Variants in CYRIB observed in about 807,000 individuals in gnomAD.
The protein encoded by CYRIB is CYFIP-related Rac1 interactor B.
In CYRIB, 8 loss-of-function variants were observed where a neutral mutation model predicts 44.2. The ratio of observed to expected loss-of-function variants is 0.18; its 90% CI spans 0.11 to 0.33. The LOEUF (loss-of-function observed/expected upper bound fraction) is 0.33. CYRIB is among the 10% of genes least tolerant of loss of function. The pLI is 1.00. For missense variants in CYRIB, 185 were observed against 382.8 expected (o/e 0.48, Z 4.31); for synonymous variants, 131 against 127.2 (o/e 1.03, Z -0.20).
exon 10 of CYRIB, chr8:129,849,352 A>C: frequency 6.2e-7 from 1 of 1,612,700 alleles, no homozygotes; most frequent in Non-Finnish European, 8.5e-7. Context: ...TTCATTTGTA[A>C]ATCTGCTTCT....
intron 9 of CYRIB, 98 bp downstream of exon 11, chr8:129,850,737 C>T (rs1212333945): frequency 2.4e-6 from 2 of 838,772 alleles, no homozygotes; most frequent in Non-Finnish European, 3.9e-6. Context: ...TTCCACCTTC[C>T]AGATAAAACA....
intron 2 of CYRIB, among the ~76,000 whole-genome samples, chr8:129,956,838 G>A (rs1416187157): frequency 5.9e-4 from 13 of 21,946 alleles, no homozygotes; most frequent in East Asian, 3.1e-3. Context: ...CCTCCCCCCA[G>A]CCTCTCTTTC....
chr8:129,996,778 G>T (rs1399695939), intron 1 of CYRIB, among the ~76,000 whole-genome samples: 2 of 152,010 alleles, frequency 1.3e-5, no homozygotes, highest in Non-Finnish European at 2.9e-5. Flanking sequence ...TACTGTTTGG[G>T]ATCTAATGTA....
intron 1 of CYRIB, among the ~76,000 whole-genome samples, chr8:129,989,698 GGTTT>G (rs1293547462): frequency 2.6e-5 from 4 of 151,096 alleles, no homozygotes; most frequent in Non-Finnish European, 5.9e-5. Flanking sequence ...ACAACGTGCA[GGTTT>G]GTTACATATG....
chr8:129,896,924 A>G (rs2068372356), intron 2 of CYRIB: 1 of 152,252 alleles, frequency 6.6e-6, no homozygotes, highest in Non-Finnish European at 1.5e-5. Flanking sequence ...TCACCTCACT[A>G]TGACTGAAAT....
At chr8:129,844,007 G>T (rs2038224969) in intron 11 of CYRIB, 1 of 152,202 alleles carries the variant, frequency 6.6e-6, no homozygotes, top group South Asian at 2.1e-4. Flanking sequence ...AATGCTAAGT[G>T]ATGTCACAAG....
At chr8:129,958,988 T>C (rs1023542867) in intron 2 of CYRIB, among the ~76,000 whole-genome samples, 1 of 135,348 alleles carries the variant, frequency 7.4e-6, no homozygotes, top group Non-Finnish European at 1.5e-5. Context: ...TGCTTGAATC[T>C]GGGAGGCAGA....
At chr8:129,911,799 C>G (rs561669123) in intron 1 of CYRIB, among the ~76,000 whole-genome samples, 4 of 152,154 alleles carry the variant, frequency 2.6e-5, no homozygotes, top group Non-Finnish European at 5.9e-5. Flanking sequence ...TTATACAGAA[C>G]CTTCTTACTT....
At chr8:129,911,540 A>G (rs1304422783) in intron 1 of CYRIB, among the ~76,000 whole-genome samples, 2 of 152,020 alleles carry the variant, frequency 1.3e-5, no homozygotes, top group Non-Finnish European at 2.9e-5. Context: ...GGTGGCTCAC[A>G]CCTGTAATCC....
At chr8:129,901,954 G>A (rs891768713) in intron 2 of CYRIB, among the ~76,000 whole-genome samples, 1 of 152,132 alleles carries the variant, frequency 6.6e-6, no homozygotes, top group Non-Finnish European at 1.5e-5. Context: ...ATTTGTTAAT[G>A]GCTTTTCAAT....
chr8:129,843,661 C>T (rs76510074), intron 11 of CYRIB, among the ~76,000 whole-genome samples: 4,692 of 152,314 alleles, frequency 0.031, 126 homozygotes, highest in Admixed American at 0.071. Context: ...CTTGGGCTCA[C>T]AAGTAGCTGG....
At chr8:130,009,243 A>C (rs2097169115) in intron 1 of CYRIB, among the ~76,000 whole-genome samples, 1 of 151,712 alleles carries the variant, frequency 6.6e-6, no homozygotes, top group Non-Finnish European at 1.5e-5. Context: ...ATTTTTCATA[A>C]AGCCATCTGA....
At chr8:129,982,754 G>A (rs2096285251) in intron 1 of CYRIB, among the ~76,000 whole-genome samples, 2 of 152,120 alleles carry the variant, frequency 1.3e-5, no homozygotes, top group Admixed American at 1.3e-4. Context: ...AAAAGCAAAC[G>A]CATGAGCATC....
At chr8:129,851,032 T>TA (rs1281081400) in intron 8 of CYRIB, 118 bp from the exon 11 acceptor site, 12 of 657,472 alleles carry the variant, frequency 1.8e-5, no homozygotes, top group Non-Finnish European at 3.2e-5. Flanking sequence ...TTCCTACTCC[T>TA]AATTTTCTAA....
chr8:129,862,276 G>A, exon 5 of CYRIB: 2 of 1,613,638 alleles, frequency 1.2e-6, no homozygotes, highest in Non-Finnish European at 1.7e-6. Context: ...GCCTACTAGT[G>A]GAACAACTGC....
At chr8:129,866,951 G>T (rs1044150721) in intron 4 of CYRIB, among the ~76,000 whole-genome samples, 1 of 152,216 alleles carries the variant, frequency 6.6e-6, no homozygotes, top group East Asian at 1.9e-4. Context: ...CTTAGTAAAC[G>T]TCAATGGTGA....
intron 3 of CYRIB, among the ~76,000 whole-genome samples, chr8:129,874,167 A>G (rs1433148710): frequency 1.3e-5 from 2 of 152,078 alleles, no homozygotes; most frequent in East Asian, 1.9e-4. Flanking sequence ...AAAAAAAAGT[A>G]CCATTTAGTC....
chr8:129,923,239 T>TATCTCAAAAAAAGAAAAAG (rs140530379), intron 1 of CYRIB, among the ~76,000 whole-genome samples: 2 of 150,534 alleles, frequency 1.3e-5, no homozygotes, highest in Non-Finnish European at 3.0e-5. Context: ...GCAAAACTCT[T>TATCTCAAAAAAAGAAAAAG]AAAAAGAAAA....
chr8:129,848,209 G>A (rs927934683), intron 10 of CYRIB, among the ~76,000 whole-genome samples: 4 of 152,156 alleles, frequency 2.6e-5, no homozygotes, highest in Non-Finnish European at 5.9e-5. Context: ...GAGAACAAAC[G>A]TAAAATTCCT....
Sources: allele counts gnomAD v4.1 joint callset (sites outside exome capture counted in the v4.1 genomes callset), GRCh38; gene constraint gnomAD v4.1.1; transcripts MANE v1.5; gene names NCBI Gene and HGNC (gene_info 2026-07-23, HGNC 2026-07-21).